NAV2: variants seen among roughly 807,000 people sequenced by gnomAD.
NAV2 encodes neuron navigator 2.
Under a neutral mutation model 223.2 loss-of-function variants are expected in NAV2, and 54 were observed. The observed-to-expected ratio is 0.24, with a 90% CI of 0.19 to 0.30. The LOEUF is 0.30. Among genes scored for constraint, NAV2 ranks in the 10% least tolerant of loss-of-function variants. The pLI is 1.00. For synonymous variants in NAV2, 1,279 were observed against 1,239.3 expected, an observed-to-expected ratio of 1.03 and a Z score of -0.67; for missense variants, 2,806 against 3,147.5, an observed-to-expected ratio of 0.89 and a Z score of 2.60.
At chr11:19,562,565 T>C (rs2045139271) in intron 1 of NAV2, among the ~76,000 whole-genome samples, 1 of 152,252 alleles carries the variant, frequency 6.6e-6, no homozygotes, top group African/African-American at 2.4e-5. Flanking sequence ...CAGAATAGGA[T>C]TCTAAGATGT....
chr11:19,934,302 T>A lies in NAV2; in HGVS notation c.2033+25T>A, dbSNP rs758646099. On this transcript the variant is annotated intron_variant, in intron 7 of 37. Coordinates refer to ENST00000349880, the MANE Select transcript of NAV2 (RefSeq NM_145117.5). Reference sequence around the variant, plus strand: ...GGTAGGAGCTGCCACCCACCTGTGCTGCCTGGGACATTGGGTAAAAGTTCC... The same window carrying A: ...GGTAGGAGCTGCCACCCACCTGTGCAGCCTGGGACATTGGGTAAAAGTTCC... 36 of 1,532,312 alleles carry A rather than the reference T, an allele frequency of 2.3e-5. No homozygotes were observed. In the South Asian group the frequency reaches 4.5e-4, roughly 19 times the overall value. 94.9% of individuals were successfully genotyped at this position (1,532,312 alleles called of 1,614,324 possible). A position where few individuals can be genotyped will look rare whatever the true frequency, so the allele number is the denominator to read the frequency against.
chr11:19,696,770 A>G (rs1456477494), intron 1 of NAV2, among the ~76,000 whole-genome samples: 1 of 152,212 alleles, frequency 6.6e-6, no homozygotes, highest in Non-Finnish European at 1.5e-5. Context: ...AGCACCAAGG[A>G]CTTTAAGCAC....
chr11:19,864,817 G>A (rs2014079), intron 3 of NAV2, among the ~76,000 whole-genome samples: 108,943 of 152,042 alleles, frequency 0.72, 39,523 homozygotes, highest in South Asian at 0.87. Flanking sequence ...CTGGGGAGGT[G>A]CATCCTGGTC....
chr11:19,716,219 A>G (rs1011819889), intron 1 of NAV2, among the ~76,000 whole-genome samples: 44 of 152,186 alleles, frequency 2.9e-4, no homozygotes, highest in South Asian at 2.1e-4. Flanking sequence ...CCTTTTATTC[A>G]GGGGATTTTT....
intron 11 of NAV2, among the ~76,000 whole-genome samples, chr11:20,019,334 G>A (rs2054288135): frequency 1.3e-5 from 2 of 152,172 alleles, no homozygotes; most frequent in Admixed American, 6.5e-5. Context: ...CAAGAAGGAG[G>A]GAGAGAATTA....
chr11:19,487,031 G>T lies in NAV2; in HGVS notation c.75+136004G>T, dbSNP rs78746597. On this transcript the variant is annotated intron_variant, in intron 1 of 37. Coordinates refer to the NAV2 transcript ENST00000360655. ...TGCCTCTACCATTAGAGGCTCTGGGGCTAAAGACCAAAGAATAGGGCTCAG... is the reference window on the plus strand; with the variant it reads ...TGCCTCTACCATTAGAGGCTCTGGGTCTAAAGACCAAAGAATAGGGCTCAG... Among the ~76,000 whole-genome samples, 1,116 of 152,232 alleles carry T rather than the reference G, an allele frequency of 7.3e-3. 8 individuals are homozygous for T. The highest frequency in any genetic ancestry group is 0.011 in the Non-Finnish European group (780 of 68,014).
chr11:20,076,420 C>A (rs2059758528), intron 22 of NAV2, among the ~76,000 whole-genome samples: 1 of 152,174 alleles, frequency 6.6e-6, no homozygotes, highest in Non-Finnish European at 1.5e-5. Flanking sequence ...ATCTGGTGAT[C>A]CTTCTCATCT....
chr11:19,851,565 G>T (rs1352956095), intron 3 of NAV2, among the ~76,000 whole-genome samples: 2 of 152,164 alleles, frequency 1.3e-5, no homozygotes, highest in Non-Finnish European at 1.5e-5. Context: ...TACCTTCTAG[G>T]GTTGTTGTGA....
At chr11:19,635,297 A>G (rs1359699968) in intron 1 of NAV2, among the ~76,000 whole-genome samples, 1 of 152,222 alleles carries the variant, frequency 6.6e-6, no homozygotes, top group African/African-American at 2.4e-5. Flanking sequence ...TTTTTAACAC[A>G]GCAATGCATA....
chr11:19,379,998 T>C (rs959492881), intron 1 of NAV2, among the ~76,000 whole-genome samples: 6 of 151,750 alleles, frequency 4.0e-5, no homozygotes, highest in East Asian at 1.9e-4. Context: ...ATATAATTAA[T>C]ATAATTTATT....
intron 1 of NAV2, among the ~76,000 whole-genome samples, chr11:19,362,616 C>T (rs1854021642): frequency 6.6e-6 from 1 of 152,140 alleles, no homozygotes; most frequent in South Asian, 2.1e-4. Context: ...TTATTGGACA[C>T]TTGCCATCTG....
intron 1 of NAV2, among the ~76,000 whole-genome samples, chr11:19,667,306 A>G (rs979364501): frequency 4.6e-5 from 7 of 152,332 alleles, no homozygotes; most frequent in Admixed American, 4.6e-4. Flanking sequence ...AAACTCAGTA[A>G]GGCATGGTCC....
chr11:20,016,881 C>A (rs2054055895), intron 11 of NAV2, among the ~76,000 whole-genome samples: 1 of 150,978 alleles, frequency 6.6e-6, no homozygotes, highest in Admixed American at 6.6e-5. Context: ...TGGCGCACAC[C>A]TGTAGTGCTA....
intron 11 of NAV2, among the ~76,000 whole-genome samples, chr11:20,015,531 T>A (rs1196674010): frequency 1.3e-5 from 2 of 152,170 alleles, no homozygotes; most frequent in East Asian, 3.9e-4. Context: ...GTCCTCACAG[T>A]TTACTATTTC....
intron 1 of NAV2, among the ~76,000 whole-genome samples, chr11:19,463,588 C>G (rs2702637): frequency 6.6e-6 from 1 of 152,096 alleles, no homozygotes; most frequent in South Asian, 2.1e-4. Context: ...GCCAATGCCA[C>G]GATAAGGGAA....
At chr11:19,651,204 T>G (rs992709422) in intron 1 of NAV2, among the ~76,000 whole-genome samples, 1 of 152,200 alleles carries the variant, frequency 6.6e-6, no homozygotes, top group African/African-American at 2.4e-5. Flanking sequence ...AGAGACCCTC[T>G]TGACACACTT....
intron 1 of NAV2, among the ~76,000 whole-genome samples, chr11:19,522,258 C>A (rs1271029579): frequency 8.2e-6 from 1 of 122,304 alleles, no homozygotes; most frequent in Non-Finnish European, 1.7e-5. Flanking sequence ...CCACATTGCA[C>A]CCCTCACAAG....
intron 1 of NAV2, among the ~76,000 whole-genome samples, chr11:19,735,242 G>A (rs1399475718): frequency 1.3e-5 from 2 of 152,200 alleles, no homozygotes; most frequent in Non-Finnish European, 2.9e-5. Flanking sequence ...AGGCAGCTAG[G>A]TGTTCCCAGT....
intron 10 of NAV2, among the ~76,000 whole-genome samples, chr11:19,956,559 T>C (rs772076997): frequency 2.6e-5 from 4 of 152,140 alleles, no homozygotes; most frequent in Non-Finnish European, 5.9e-5. Flanking sequence ...GGAACACTTA[T>C]TTACTGTGGC....
Sources: gnomAD v4.1 joint callset for allele counts (sites outside exome capture counted in the v4.1 genomes callset) on GRCh38, gnomAD v4.1.1 for gene constraint, MANE v1.5 for transcripts, NCBI Gene and HGNC (gene_info 2026-07-23, HGNC 2026-07-21) for gene names.